Variants in HPF1 observed in about 807,000 individuals in gnomAD.
HPF1 encodes the protein histone PARylation factor 1.
HPF1 carries 35 observed loss-of-function variants against 38.8 expected under a neutral mutation model. The observed-to-expected ratio is 0.90, with a 90% confidence interval of 0.69 to 1.19. The LOEUF (loss-of-function observed/expected upper bound fraction) is 1.19. Among genes scored for constraint, HPF1 ranks in the 50% most tolerant of loss-of-function variants. HPF1 has a pLI of 0.00. For synonymous variants in HPF1, 115 were observed against 139.2 expected, an observed-to-expected ratio of 0.83 and a Z score of 1.22; for missense variants, 367 against 405.8, an observed-to-expected ratio of 0.90 and a Z score of 0.82.
At position 169,750,632 on chromosome 4, in the gene HPF1, T is replaced by A; in HGVS notation, c.302A>T (p.Asn101Ile). The change falls in exon 3 of 8, where the codon AAT (asparagine) becomes ATT (isoleucine). Residue 101 changes from asparagine to isoleucine, a missense_variant. Asn to Ile is a moderately radical substitution (Grantham distance 149, BLOSUM62 -3). Transcript: ENST00000393381. Reference protein sequence around the residue: ...HKTKKKSTGLNFNLHWRFYYD... With the variant: ...HKTKKKSTGLIFNLHWRFYYD... Reference sequence around the variant, plus strand: ...GTAAAACCTCCAGTGAAGGTTAAAATTCAGGCCTGTTGATTTTTTCTTCGT... The same window carrying A: ...GTAAAACCTCCAGTGAAGGTTAAAAATCAGGCCTGTTGATTTTTTCTTCGT... 1.2e-6 allele frequency: 2 copies of A among 1,613,812 alleles called. No homozygotes were observed. The highest frequency in any genetic ancestry group is 1.7e-6 in the Non-Finnish European group (2 of 1,179,768).
chr4:169,737,732 AG>A lies in HPF1; in HGVS notation c.663del (p.His223MetfsTer9). The part of the protein sequence containing the change: ...KQRDKKVVTK[T>X]FHGAGLVVPV... Reference sequence around the variant, plus strand: ...GGAACAACCAAGCCTGCACCATGAAAGGTCTTTGTCACAACCTACATTAAAG... The same window carrying A: ...GGAACAACCAAGCCTGCACCATGAAAGTCTTTGTCACAACCTACATTAAAG... On this transcript the variant is annotated frameshift_variant, in exon 6 of 8. Transcript: ENST00000393381. LOFTEE classifies it high-confidence loss of function. 6.2e-7 allele frequency: 1 copy of A among 1,611,512 alleles called. No homozygotes were observed. The highest frequency in any genetic ancestry group is 8.5e-7 in the Non-Finnish European group (1 of 1,177,818).
intron 4 of HPF1, among the ~76,000 whole-genome samples, chr4:169,748,487 C>T (rs138430281): frequency 0.01 from 1,566 of 152,214 alleles, 29 homozygotes; most frequent in African/African-American, 0.033. Flanking sequence ...TCTCCTGACT[C>T]AGCCTCCTGA....
chr4:169,750,458 G>T, intron 3 of HPF1, 78 bp downstream of exon 3: 1 of 1,050,126 alleles, frequency 9.5e-7, no homozygotes, highest in Non-Finnish European at 1.4e-6. Context: ...TTCACCTTGG[G>T]TGAGGCTAGT....
chr4:169,740,896 G>A (rs977225824), intron 5 of HPF1, among the ~76,000 whole-genome samples: 6 of 152,126 alleles, frequency 3.9e-5, no homozygotes, highest in South Asian at 4.1e-4. Flanking sequence ...TTATGTGTAC[G>A]GATGCTCAGA....
intron 3 of HPF1, among the ~76,000 whole-genome samples, chr4:169,749,550 C>G (rs962134453): frequency 1.3e-5 from 2 of 151,860 alleles, no homozygotes; most frequent in African/African-American, 4.8e-5. Flanking sequence ...AAAGCCAGGT[C>G]CCTCCCAAGG....
In HPF1 at chr4:169,738,469, C is replaced by T. The variant is rs140635974; in HGVS notation, c.649-722G>A. Among the ~76,000 whole-genome samples the T allele has an allele frequency of 9.4e-3, 1,431 of 152,114 alleles. 32 individuals are homozygous for T. The highest frequency in any genetic ancestry group is 0.032 in the African/African-American group (1,334 of 41,434). On this transcript the variant is annotated intron_variant, in intron 5 of 7. Coordinates refer to ENST00000393381, the MANE Select transcript of HPF1 (RefSeq NM_017867.3). ...TGTACAAATATTCCACTTCTTTGTG[C>T]AATTCAGTGAAAAGTTTCCAAGGCA...
At chr4:169,751,653 C>G (rs1734121107) in intron 2 of HPF1, among the ~76,000 whole-genome samples, 1 of 151,920 alleles carries the variant, frequency 6.6e-6, no homozygotes, top group Non-Finnish European at 1.5e-5. Context: ...GGGAAGCACC[C>G]CAGACAGGAC....
At chr4:169,752,168 CTTTTTTTTT>C (rs35247508) in intron 2 of HPF1, among the ~76,000 whole-genome samples, 1 of 107,200 alleles carries the variant, frequency 9.3e-6, no homozygotes, top group Non-Finnish European at 1.7e-5. Context: ...ACAGGCATGA[CTTTTTTTTT>C]TTTTTTTTTT....
chr4:169,747,799 C>T lies in HPF1; in HGVS notation c.497+945G>A, dbSNP rs141115208. 1.8e-4 allele frequency among the ~76,000 whole-genome samples: 28 copies of T among 152,322 alleles called. 1 individual carries two copies. Among genetic ancestry groups the T allele is most frequent in the Middle Eastern group, 6.8e-3 (2 of 294 alleles). ...GAAGAGATACCACATGGAGGCTGTG[C>T]TTCCACGATCTCCATCAATGAGCAC... is the stretch of plus-strand genomic sequence containing the variant. On this transcript the variant is annotated intron_variant, in intron 4 of 7. Coordinates refer to ENST00000393381, the MANE Select transcript of HPF1 (RefSeq NM_017867.3).
intron 1 of HPF1, among the ~76,000 whole-genome samples, chr4:169,757,185 TC>T (rs1263475984): frequency 2.0e-5 from 3 of 152,126 alleles, no homozygotes; most frequent in Non-Finnish European, 4.4e-5. Context: ...GCTTTTATGA[TC>T]AGGTCCCTCT....
chr4:169,753,782 G>A lies in HPF1; in HGVS notation c.102C>T (p.Ser34=). 3 of 1,612,886 alleles carry A rather than the reference G, an allele frequency of 1.9e-6. No homozygotes were observed. In the South Asian group the frequency reaches 3.3e-5, roughly 18 times the overall value. ...TTTCTACTTCTTTTCGAAGGTCACT[G>A]GAGACATCAGCTTCACAGAATTTAC... ...KKSKFCEADV[S]SDLRKEVENH... The change falls in exon 2 of 8, where the codon TCC becomes TCT. Residue 34 remains serine (S), a synonymous_variant. Coordinates refer to ENST00000393381, the MANE Select transcript of HPF1 (RefSeq NM_017867.3).
chr4:169,749,245 C>T (rs1300294521), intron 3 of HPF1, among the ~76,000 whole-genome samples: 2 of 152,130 alleles, frequency 1.3e-5, no homozygotes, highest in African/African-American at 4.8e-5. Context: ...TAAATTTATA[C>T]TGTTGCTGGT....
intron 1 of HPF1, among the ~76,000 whole-genome samples, chr4:169,757,176 C>T (rs914047377): frequency 3.9e-5 from 6 of 152,170 alleles, no homozygotes; most frequent in African/African-American, 1.4e-4. Context: ...CTCAGTAGTG[C>T]TTTTATGATC....
At chr4:169,731,590 A>G in intron 7 of HPF1, 114 bp downstream of exon 7, 2 of 728,900 alleles carry the variant, frequency 2.7e-6, no homozygotes, top group Non-Finnish European at 4.2e-6. Flanking sequence ...TCCCTGTCTT[A>G]CCTCTGCTGG....
intron 6 of HPF1, 190 bp from the exon 7 acceptor site, chr4:169,732,066 TCAAG>T: frequency 2.0e-6 from 1 of 499,244 alleles, no homozygotes; most frequent in Non-Finnish European, 3.5e-6. Context: ...TACTTAGGAT[TCAAG>T]CTTAAAAACA....
At chr4:169,738,115 T>C (rs939941848) in intron 5 of HPF1, among the ~76,000 whole-genome samples, 1 of 152,178 alleles carries the variant, frequency 6.6e-6, no homozygotes, top group African/African-American at 2.4e-5. Flanking sequence ...AACCTGGTTC[T>C]AAAAGAAAAA....
rs536560414 is a variant in HPF1, at chr4:169,748,398, T to C, written c.497+346A>G. On this transcript the variant is annotated intron_variant, in intron 4 of 7. Coordinates refer to ENST00000393381, the MANE Select transcript of HPF1 (RefSeq NM_017867.3). ...TTTGTTTTTTTTTTTGGAGATAGAG[T>C]CTCACTCTGTCACTCAGGCTGCAAT... Among the ~76,000 whole-genome samples, 8 of 150,178 alleles carry C rather than the reference T, an allele frequency of 5.3e-5. No homozygotes were observed. In the South Asian group the frequency reaches 1.3e-3, roughly 24 times the overall value.
In HPF1 at chr4:169,742,567, C is replaced by T. The variant is rs530187921; in HGVS notation, c.498-460G>A. 1.2e-4 allele frequency among the ~76,000 whole-genome samples: 18 copies of T among 152,224 alleles called. 1 individual carries two copies. The highest frequency in any genetic ancestry group is 4.6e-4 in the Admixed American group (7 of 15,294). On this transcript the variant is annotated intron_variant, in intron 4 of 7. Coordinates refer to ENST00000393381, the MANE Select transcript of HPF1 (RefSeq NM_017867.3). ...CAGCACTTTGGGAGGCCAAGGCGGG[C>T]GGATCATGAGGTCAGGAGATCAAGA... is the stretch of plus-strand genomic sequence containing the variant.
chr4:169,744,847 G>C (rs1411604277), intron 4 of HPF1, among the ~76,000 whole-genome samples: 1 of 151,132 alleles, frequency 6.6e-6, no homozygotes, highest in African/African-American at 2.4e-5. Context: ...CCAATCTTGG[G>C]TTTATTCAAC....
Sources: allele counts gnomAD v4.1 joint callset (sites outside exome capture counted in the v4.1 genomes callset), GRCh38; gene constraint gnomAD v4.1.1; transcripts MANE v1.5; gene names NCBI Gene and HGNC (gene_info 2026-07-23, HGNC 2026-07-21).